ACO2: variants seen among roughly 807,000 people sequenced by gnomAD.
The protein encoded by ACO2 is aconitase 2, also known as aconitate hydratase, mitochondrial.
A neutral mutation model predicts 84.5 loss-of-function variants in ACO2; 31 were observed. The observed-to-expected ratio is 0.37, with a 90% CI of 0.28 to 0.50. The LOEUF (loss-of-function observed/expected upper bound fraction) is 0.50. Among genes scored for constraint, ACO2 ranks in the 20% least tolerant of loss-of-function variants. ACO2 has a pLI of 0.97. For missense variants in ACO2, 685 were observed against 1,029.3 expected (o/e 0.67, Z 4.58); for synonymous variants, 414 against 412.7 (o/e 1.00, Z -0.04).
chr22:41,511,004 T>C (rs1260368685), intron 3 of ACO2, among the ~76,000 whole-genome samples: 1 of 152,100 alleles, frequency 6.6e-6, no homozygotes, highest in Non-Finnish European at 1.5e-5. Flanking sequence ...AAAAAGCCTC[T>C]GGGGTTTTTG....
chr22:41,524,792 G>A, intron 12 of ACO2, 54 bp from the exon 13 acceptor site: 3 of 1,613,174 alleles, frequency 1.9e-6, no homozygotes, highest in Admixed American at 3.3e-5. Flanking sequence ...GGTAGGTGCA[G>A]GAGACAGGAG....
intron 2 of ACO2, among the ~76,000 whole-genome samples, chr22:41,505,519 AT>A (rs1243413202): frequency 6.6e-6 from 1 of 152,134 alleles, no homozygotes; most frequent in African/African-American, 2.4e-5. Flanking sequence ...GACCGGGTAG[AT>A]TAGCGTCAGG....
At chr22:41,478,793 G>T (rs2038051727) in intron 1 of ACO2, among the ~76,000 whole-genome samples, 1 of 143,572 alleles carries the variant, frequency 7.0e-6, no homozygotes, top group South Asian at 2.2e-4. Flanking sequence ...TTGAGAAGGA[G>T]TCTCACTCTG....
intron 1 of ACO2, among the ~76,000 whole-genome samples, chr22:41,479,780 A>G (rs935192954): frequency 2.6e-5 from 4 of 152,210 alleles, no homozygotes; most frequent in Non-Finnish European, 5.9e-5. Flanking sequence ...TCAAGTGTGT[A>G]GGTGCAGAGC....
At chr22:41,511,124 GC>G (rs2066430238) in intron 3 of ACO2, among the ~76,000 whole-genome samples, 1 of 152,038 alleles carries the variant, frequency 6.6e-6, no homozygotes, top group Admixed American at 6.6e-5. Flanking sequence ...TCCTGCCTCG[GC>G]CTGCAAGTAG....
intron 2 of ACO2, among the ~76,000 whole-genome samples, chr22:41,503,259 TTC>T (rs906095282): frequency 6.3e-4 from 96 of 152,298 alleles, no homozygotes; most frequent in Non-Finnish European, 1.3e-3. Context: ...ATAAATTTTT[TTC>T]TTTTTTTTTT....
chr22:41,523,895 G>A lies in ACO2; in HGVS notation c.1436G>A (p.Arg479His), dbSNP rs2146136486. The change falls in exon 12 of 18, where the codon CGC becomes CAC. Residue 479 changes from arginine (R) to histidine (H), a missense_variant. Transcript: ENST00000216254. ...VTSYNRNFTGRNDANPETHAF... is the reference protein window; with the variant it reads ...VTSYNRNFTGHNDANPETHAF... ...TCCTACAACAGGAACTTCACGGGCC[G>A]CAACGACGCAAACCCCGAGACCCAT... The A allele has an allele frequency of 6.2e-7, 1 of 1,612,644 alleles. No homozygotes were observed. Among genetic ancestry groups the A allele is most frequent in the Non-Finnish European group, 8.5e-7 (1 of 1,180,006 alleles).
intron 1 of ACO2, among the ~76,000 whole-genome samples, chr22:41,483,753 A>T (rs1177536892): frequency 6.6e-6 from 1 of 152,160 alleles, no homozygotes; most frequent in Non-Finnish European, 1.5e-5. Flanking sequence ...TACACCTTTA[A>T]TCCCAGCACT....
chr22:41,488,326 G>C (rs1024017641), intron 1 of ACO2, among the ~76,000 whole-genome samples: 1 of 152,168 alleles, frequency 6.6e-6, no homozygotes, highest in Non-Finnish European at 1.5e-5. Context: ...TGCTGAGCCT[G>C]CCGGTTGCCT....
At chr22:41,480,314 C>T (rs1052802564) in intron 1 of ACO2, among the ~76,000 whole-genome samples, 6 of 152,122 alleles carry the variant, frequency 3.9e-5, no homozygotes, top group South Asian at 2.1e-4. Flanking sequence ...AATGGGCTGC[C>T]GTGTAATGTA....
intron 14 of ACO2, 23 bp from the exon 15 acceptor site, chr22:41,526,239 G>A: frequency 6.2e-7 from 1 of 1,604,988 alleles, no homozygotes; most frequent in Non-Finnish European, 8.5e-7. Context: ...CCTGACCTCT[G>A]TCCTCTCTAC....
At chr22:41,496,965 C>G (rs2066318451) in intron 1 of ACO2, among the ~76,000 whole-genome samples, 1 of 152,098 alleles carries the variant, frequency 6.6e-6, no homozygotes, top group African/African-American at 2.4e-5. Flanking sequence ...CAGAAGGGAG[C>G]CTGGGGCAGT....
intron 1 of ACO2, among the ~76,000 whole-genome samples, chr22:41,481,852 G>T (rs180859680): frequency 8.5e-5 from 13 of 152,282 alleles, no homozygotes; most frequent in Non-Finnish European, 1.9e-4. Flanking sequence ...ATTGTCCTAG[G>T]TTCTGAATAT....
chr22:41,488,582 G>A (rs2066249399), intron 1 of ACO2, among the ~76,000 whole-genome samples: 1 of 152,148 alleles, frequency 6.6e-6, no homozygotes, highest in Non-Finnish European at 1.5e-5. Context: ...GTGCTGTTCT[G>A]AGTCTCATGT....
chr22:41,478,432 C>T (rs554221134), intron 1 of ACO2, among the ~76,000 whole-genome samples: 1 of 152,322 alleles, frequency 6.6e-6, no homozygotes, highest in Admixed American at 6.5e-5. Context: ...GCGTGAGCCA[C>T]TGCGCCTGGC....
intron 1 of ACO2, among the ~76,000 whole-genome samples, chr22:41,494,906 G>A (rs544961074): frequency 4.6e-5 from 7 of 151,710 alleles, no homozygotes; most frequent in Non-Finnish European, 8.8e-5. Flanking sequence ...GCTAATTTTT[G>A]TATTTTTAAT....
At chr22:41,524,199 A>C (rs1186783957) in intron 12 of ACO2, among the ~76,000 whole-genome samples, 1 of 152,228 alleles carries the variant, frequency 6.6e-6, no homozygotes, top group African/African-American at 2.4e-5. Flanking sequence ...GACACATCCC[A>C]GCCCTGCCTC....
At chr22:41,500,357 TA>T (rs2066345402) in intron 2 of ACO2, among the ~76,000 whole-genome samples, 1 of 147,716 alleles carries the variant, frequency 6.8e-6, no homozygotes, top group Non-Finnish European at 1.5e-5. Context: ...AGTATATATA[TA>T]TTTATATATA....
At chr22:41,523,527 C>G (rs1952817909) in intron 11 of ACO2, among the ~76,000 whole-genome samples, 1 of 152,238 alleles carries the variant, frequency 6.6e-6, no homozygotes, top group African/African-American at 2.4e-5. Flanking sequence ...CCAGCGCGGC[C>G]TCACCCTGAC....
Sources: gnomAD v4.1 joint callset for allele counts (sites outside exome capture counted in the v4.1 genomes callset) on GRCh38, gnomAD v4.1.1 for gene constraint, MANE v1.5 for transcripts, NCBI Gene and HGNC (gene_info 2026-07-23, HGNC 2026-07-21) for gene names.